SLC25A28: variants seen among roughly 807,000 people sequenced by gnomAD.
The protein encoded by SLC25A28 is solute carrier family 25 member 28.
A neutral mutation model predicts 31.9 loss-of-function variants in SLC25A28; 10 were observed. That is an observed-to-expected ratio of 0.31 (90% CI 0.19 to 0.53). The LOEUF (loss-of-function observed/expected upper bound fraction) is 0.53. Ranked by LOEUF, SLC25A28 falls within the 20% of genes least tolerant of loss-of-function variation. SLC25A28 has a pLI of 0.95. For synonymous variants in SLC25A28, 208 were observed against 203.6 expected, an observed-to-expected ratio of 1.02 and a Z score of -0.19; for missense variants, 256 against 490.3, an observed-to-expected ratio of 0.52 and a Z score of 4.51.
chr10:99,640,991 A>C, the SLC25A28 span, among the ~76,000 whole-genome samples: 2 of 152,066 alleles, frequency 1.3e-5, no homozygotes, highest in African/African-American at 4.8e-5. Flanking sequence ...TTGGTTCCAA[A>C]TCTTTGCTAT....
At chr10:99,642,068 A>G in the SLC25A28 span, among the ~76,000 whole-genome samples, 1 of 151,914 alleles carries the variant, frequency 6.6e-6, no homozygotes, top group African/African-American at 2.4e-5. Context: ...TTGGTTCCAT[A>G]TGAACTTTAA....
At chr10:99,618,643 T>G (rs1340334086) in intron 1 of SLC25A28, 8 of 985,368 alleles carry the variant, frequency 8.1e-6, no homozygotes, top group Non-Finnish European at 9.6e-6. Flanking sequence ...CAAGGACATT[T>G]AACATTCTAA....
rs61729536 is a variant in SLC25A28 at position 99,613,787 on chromosome 10, A to C, written c.429T>G (p.Pro143=). The change falls in exon 2 of 4, where the codon CCT becomes CCG. Residue 143 remains proline (P), a synonymous_variant. Transcript: ENST00000370495. This position sits in a 1 kb window ranked among gnomAD's most constrained non-coding sequence, Gnocchi z 4.9. ...GLNVTATGAG[P]AHALYFACYE... is the part of the protein sequence containing the mutation. Reference sequence around the variant, plus strand: ...AGCAGGCAAAATAAAGGGCGTGGGCAGGCCCTGCGCCTGTTGCTGTGACGT... The same window carrying C: ...AGCAGGCAAAATAAAGGGCGTGGGCCGGCCCTGCGCCTGTTGCTGTGACGT... The C allele has an allele frequency of 9.4e-4, 1,523 of 1,614,264 alleles. 6 individuals carry two copies. In the African/African-American group the frequency reaches 0.019, roughly 20 times the overall value.
chr10:99,639,574 C>A, the SLC25A28 span, among the ~76,000 whole-genome samples: 1 of 152,024 alleles, frequency 6.6e-6, no homozygotes, highest in Non-Finnish European at 1.5e-5. Context: ...CTGGAGAGGA[C>A]CAAGCTTGAT....
chr10:99,618,580 T>G (rs1184320002), intron 1 of SLC25A28: 1 of 985,260 alleles, frequency 1.0e-6, no homozygotes, highest in African/African-American at 1.7e-5. Context: ...CATTTCAATG[T>G]TGTTACTTCT....
At chr10:99,616,966 A>G (rs2034671413) in intron 1 of SLC25A28, 1 of 985,040 alleles carries the variant, frequency 1.0e-6, no homozygotes, top group Non-Finnish European at 1.2e-6. Context: ...AAGAAAATCA[A>G]ATAAGCTAAT....
In SLC25A28 at chr10:99,611,499, G is replaced by A. The variant is rs1036638568; in HGVS notation, c.578-133C>T. ...GAGAAAAAAGTATGAGTGAGCTGCT[G>A]GCTAACCTGAGAAGTCAGCTTCCCT... On this transcript the variant is annotated intron_variant, in intron 3 of 3. Coordinates refer to ENST00000370495, the MANE Select transcript of SLC25A28 (RefSeq NM_031212.4). This position sits in a 1 kb window ranked among gnomAD's most constrained non-coding sequence, Gnocchi z 5.5. 8.8e-7 allele frequency: 1 copy of A among 1,138,672 alleles called. No individual in the cohort carries two copies. The highest frequency in any genetic ancestry group is 1.2e-6 in the Non-Finnish European group (1 of 810,384). The allele number at this position is 1,138,672 out of a possible 1,614,324, so 70.5% of individuals were successfully genotyped here. A position where few individuals can be genotyped will look rare whatever the true frequency, so the allele number is the denominator to read the frequency against.
the SLC25A28 span, among the ~76,000 whole-genome samples, chr10:99,643,791 A>G: frequency 1.2e-4 from 19 of 152,302 alleles, no homozygotes; most frequent in African/African-American, 4.6e-4. Context: ...GTTTCAAAGA[A>G]CATCTTTATT....
chr10:99,616,111 G>GGC, intron 1 of SLC25A28: 1 of 985,368 alleles, frequency 1.0e-6, no homozygotes, highest in African/African-American at 1.7e-5. Flanking sequence ...TTTACAGAAA[G>GGC]ATGAAATATC....
chr10:99,643,442 T>G, the SLC25A28 span, among the ~76,000 whole-genome samples: 2 of 152,238 alleles, frequency 1.3e-5, no homozygotes, highest in East Asian at 1.9e-4. Flanking sequence ...TCGCGTCTAT[T>G]TGATTCTTCT....
chr10:99,644,045 G>T, the SLC25A28 span, among the ~76,000 whole-genome samples: 1 of 152,218 alleles, frequency 6.6e-6, no homozygotes, highest in African/African-American at 2.4e-5. Context: ...ATATTCTGTT[G>T]ATTTGGAGTG....
chr10:99,643,833 C>T, the SLC25A28 span, among the ~76,000 whole-genome samples: 1 of 152,194 alleles, frequency 6.6e-6, no homozygotes, highest in Non-Finnish European at 1.5e-5. Context: ...ACCCAGTAGT[C>T]ATTCAGGAGC....
the SLC25A28 span, among the ~76,000 whole-genome samples, chr10:99,646,542 C>T: frequency 7.4e-3 from 1,121 of 152,302 alleles, 18 homozygotes; most frequent in African/African-American, 0.024. Flanking sequence ...CTTTGGCTCA[C>T]GCTCCATGGG....
chr10:99,654,994 A>G, the SLC25A28 span, among the ~76,000 whole-genome samples: 1 of 152,176 alleles, frequency 6.6e-6, no homozygotes, highest in African/African-American at 2.4e-5. Context: ...AAACCTTAGA[A>G]CTCAGCCTTA....
rs888515479 is a variant in SLC25A28, at chr10:99,620,360, AC to A, written c.-26del. ...TCCACCCGGGCCAGCTGCGGCGCCCACCCCCGCCGCCGCTGCCACCACTGCC... is the reference window on the plus strand; with the variant it reads ...TCCACCCGGGCCAGCTGCGGCGCCCACCCCGCCGCCGCTGCCACCACTGCC... On this transcript the variant is annotated 5_prime_UTR_variant, in exon 1 of 4. Coordinates refer to ENST00000370495, the MANE Select transcript of SLC25A28 (RefSeq NM_031212.4). 1.2e-6 allele frequency: 1 copy of A among 826,074 alleles called. No homozygotes were observed. Among genetic ancestry groups the A allele is most frequent in the Non-Finnish European group, 1.4e-6 (1 of 737,394 alleles). The allele number at this position is 826,074 out of a possible 1,614,324, so 51.2% of individuals were successfully genotyped here.
rs772034736 is a variant in SLC25A28 at position 99,611,341 on chromosome 10, G to A, written c.603C>T (p.Tyr201=). ...AEVVKQRMQM[Y]NSPYHRVTDC... ...CTGTCACCCGGTGGTATGGTGAGTT[G>A]TACATCTGCATCCTCTGCTTGACCA... Residue 201 remains tyrosine (Y), a synonymous_variant, in exon 4 of 4, where the codon TAC becomes TAT. Coordinates refer to ENST00000370495, the MANE Select transcript of SLC25A28 (RefSeq NM_031212.4). The surrounding 1 kb of genome is among the most constrained non-coding windows in gnomAD (Gnocchi z 5.5). The A allele has an allele frequency of 6.2e-7, 1 of 1,613,952 alleles. No individual in the cohort carries two copies. Among genetic ancestry groups the A allele is most frequent in the Non-Finnish European group, 8.5e-7 (1 of 1,180,020 alleles).
In SLC25A28 at chr10:99,615,523, A is replaced by G. The variant is rs1368164497; in HGVS notation, c.292-1599T>C. On this transcript the variant is annotated intron_variant, in intron 1 of 3. Transcript: ENST00000370495. ...GGTTATTTTCTCCTGCCTGCTACCA[A>G]CAAAAAACCGGAAGCTTAAAAGGTT... 4 of 985,296 alleles carry G rather than the reference A, an allele frequency of 4.1e-6. No individual in the cohort carries two copies. In the African/African-American group the frequency reaches 7.0e-5, roughly 17 times the overall value. The allele number at this position is 985,296 out of a possible 1,614,324, so 61.0% of individuals were successfully genotyped here.
At chr10:99,612,064 T>C (rs2034536163) in intron 3 of SLC25A28, among the ~76,000 whole-genome samples, 1 of 152,220 alleles carries the variant, frequency 6.6e-6, no homozygotes, top group African/African-American at 2.4e-5. Context: ...TTCCTCCGAC[T>C]GAAAAGCCAA....
Position 99,618,490 on chromosome 10 carries a change from C to T in SLC25A28, c.291+1555G>A, listed in dbSNP as rs192593515. The T allele has an allele frequency of 2.5e-5, 25 of 985,346 alleles. No homozygotes were observed. In the Admixed American group the frequency reaches 4.9e-4, roughly 19 times the overall value. 61.0% of individuals were successfully genotyped at this position (985,346 alleles called of 1,614,324 possible). A position where few individuals can be genotyped will look rare whatever the true frequency, so the allele number is the denominator to read the frequency against. ...TAGATTATATTAACTTTTGGATATA[C>T]GGCATTATTAACTCACAAGTCATTC... On this transcript the variant is annotated intron_variant, in intron 1 of 3. Transcript: ENST00000370495.
Sources: gnomAD v4.1 joint callset for allele counts (sites outside exome capture counted in the v4.1 genomes callset) on GRCh38, gnomAD v4.1.1 for gene constraint, Gnocchi (gnomAD v3.1) non-coding constraint, MANE v1.5 for transcripts, NCBI Gene and HGNC (gene_info 2026-07-23, HGNC 2026-07-21) for gene names.